The following GHR variants were observed in gnomAD, a reference collection of about 807,000 sequenced individuals.
GHR encodes growth hormone receptor, also known as GH receptor.
In GHR, 35 loss-of-function variants were observed where a neutral mutation model predicts 67.1. The ratio of observed to expected loss-of-function variants is 0.52; its 90% confidence interval spans 0.40 to 0.69. The LOEUF is 0.69. Ranked by LOEUF, GHR falls within the 30% of genes least tolerant of loss-of-function variation. The pLI is 0.00. For missense variants in GHR, 792 were observed against 764.6 expected (o/e 1.04, Z -0.42); for synonymous variants, 272 against 269.1 (o/e 1.01, Z -0.10).
intron 1 of GHR, among the ~76,000 whole-genome samples, chr5:42,524,301 T>G (rs1169609999): frequency 2.6e-5 from 4 of 152,132 alleles, no homozygotes; most frequent in Non-Finnish European, 5.9e-5. Flanking sequence ...CAGATGGAGA[T>G]GAGGAACTTG....
chr5:42,464,017 G>A (rs7720139), intron 1 of GHR, among the ~76,000 whole-genome samples: 4,938 of 93,254 alleles, frequency 0.053, 92 homozygotes, highest in African/African-American at 0.076. Context: ...AAAAAAAAAA[G>A]AAAAAGAAAT....
intron 4 of GHR, among the ~76,000 whole-genome samples, chr5:42,691,832 G>T (rs1307610541): frequency 6.6e-6 from 1 of 152,266 alleles, no homozygotes; most frequent in East Asian, 1.9e-4. Context: ...CTGCCATCCT[G>T]TGATGACGAT....
Position 42,472,068 on chromosome 5 carries a change from C to T in GHR, c.-12+48113C>T, listed in dbSNP as rs548516616. On this transcript the variant is annotated intron_variant, in intron 1 of 9. Coordinates refer to ENST00000230882, the MANE Select transcript of GHR (RefSeq NM_000163.5). ...AAATGCAAAAGAACATTCACTTAGGCTGGGATAAACAAGAGGTCTTTTGCA... is the reference window on the plus strand; with the variant it reads ...AAATGCAAAAGAACATTCACTTAGGTTGGGATAAACAAGAGGTCTTTTGCA... 2.2e-4 allele frequency among the ~76,000 whole-genome samples: 34 copies of T among 152,242 alleles called. No individual in the cohort carries two copies. In the South Asian group the frequency reaches 6.8e-3, roughly 31 times the overall value.
intron 1 of GHR, among the ~76,000 whole-genome samples, chr5:42,461,692 C>G (rs1744493683): frequency 6.6e-6 from 1 of 152,182 alleles, no homozygotes; most frequent in African/African-American, 2.4e-5. Context: ...AGTCTGTCAG[C>G]ACTTTGGCAG....
At chr5:42,681,455 A>T (rs1415281065) in intron 3 of GHR, among the ~76,000 whole-genome samples, 1 of 152,182 alleles carries the variant, frequency 6.6e-6, no homozygotes, top group African/African-American at 2.4e-5. Context: ...AAGTCAGGAA[A>T]CAACAGATGC....
intron 1 of GHR, among the ~76,000 whole-genome samples, chr5:42,557,439 T>G (rs1749370519): frequency 6.6e-6 from 1 of 152,154 alleles, no homozygotes; most frequent in African/African-American, 2.4e-5. Context: ...AAAACATAAA[T>G]AGTCTATTTG....
intron 1 of GHR, chr5:42,548,583 G>GTT: frequency 4.2e-5 from 30 of 721,822 alleles, no homozygotes; most frequent in Non-Finnish European, 4.4e-5. Context: ...GATAGTCAGG[G>GTT]TTTTTTTTTT....
chr5:42,459,827 C>T lies in GHR; in HGVS notation c.-12+35872C>T, dbSNP rs530690691. The stretch of plus-strand genomic sequence containing the variant: ...CTAGCCTTTGAAATTCAAACTACTA[C>T]TACTCCACTTTGAGAGAGACTGCAT... On this transcript the variant is annotated intron_variant, in intron 1 of 9. Transcript: ENST00000230882. 6.4e-4 allele frequency among the ~76,000 whole-genome samples: 98 copies of T among 152,302 alleles called. 1 individual carries two copies. Among genetic ancestry groups the T allele is most frequent in the African/African-American group, 1.6e-3 (65 of 41,562 alleles).
In GHR at chr5:42,463,865, C is replaced by T. The variant is rs367810336; in HGVS notation, c.-12+39910C>T. Among the ~76,000 whole-genome samples, 237 of 148,274 alleles carry T rather than the reference C, an allele frequency of 1.6e-3. 5 individuals are homozygous for T. In the East Asian group the frequency reaches 0.032, roughly 20 times the overall value. On this transcript the variant is annotated intron_variant, in intron 1 of 9. Transcript: ENST00000230882. ...AAAATTAGCCGGGCGTAGTGGTGGG[C>T]GCCTGTAGTCCCAGCTACTTGGGAG...
intron 2 of GHR, among the ~76,000 whole-genome samples, chr5:42,606,855 G>A (rs1055887977): frequency 1.4e-4 from 21 of 152,108 alleles, no homozygotes; most frequent in Admixed American, 7.9e-4. Context: ...GGGAATTGGG[G>A]TAGGAAGTTC....
At chr5:42,705,494 T>C (rs903939472) in intron 6 of GHR, among the ~76,000 whole-genome samples, 7 of 152,102 alleles carry the variant, frequency 4.6e-5, no homozygotes, top group Non-Finnish European at 1.0e-4. Flanking sequence ...TACAGATTAT[T>C]TCATCACCAG....
intron 1 of GHR, among the ~76,000 whole-genome samples, chr5:42,560,246 T>C (rs367899793): frequency 3.1e-4 from 47 of 152,138 alleles, no homozygotes; most frequent in African/African-American, 1.1e-3. Flanking sequence ...CAGGCTGGAG[T>C]GCAAGGGCAT....
intron 1 of GHR, chr5:42,468,780 C>A: frequency 9.1e-7 from 1 of 1,096,840 alleles, no homozygotes; most frequent in Non-Finnish European, 1.4e-6. Flanking sequence ...CCTTCAGCAC[C>A]TCGAAGGGGT....
intron 3 of GHR, among the ~76,000 whole-genome samples, chr5:42,669,709 T>C (rs961398035): frequency 2.0e-5 from 3 of 152,162 alleles, no homozygotes; most frequent in African/African-American, 7.2e-5. Flanking sequence ...TGGGGAACTT[T>C]TAAAAATTAA....
At chr5:42,601,817 T>C (rs537718447) in intron 2 of GHR, among the ~76,000 whole-genome samples, 2 of 152,236 alleles carry the variant, frequency 1.3e-5, no homozygotes, top group African/African-American at 2.4e-5. Context: ...TTCATTCACC[T>C]TTTCAATTCA....
chr5:42,480,329 G>C (rs1476281991), intron 1 of GHR, among the ~76,000 whole-genome samples: 3 of 152,172 alleles, frequency 2.0e-5, no homozygotes, highest in Non-Finnish European at 1.5e-5. Context: ...TTTTGGAATA[G>C]GTGTGGTATG....
intron 1 of GHR, chr5:42,465,392 G>A: frequency 2.4e-6 from 3 of 1,237,956 alleles, no homozygotes; most frequent in East Asian, 2.3e-5. Flanking sequence ...AGGGATTGAA[G>A]AGGTTTCTAC....
intron 1 of GHR, among the ~76,000 whole-genome samples, chr5:42,559,038 G>T (rs781764960): frequency 6.6e-6 from 1 of 152,042 alleles, no homozygotes; most frequent in East Asian, 1.9e-4. Context: ...TACTTGATCT[G>T]CATTTACATT....
intron 1 of GHR, among the ~76,000 whole-genome samples, chr5:42,474,279 G>GAA (rs762174547): frequency 0.044 from 5,457 of 122,960 alleles, 96 homozygotes; most frequent in Middle Eastern, 0.055. Flanking sequence ...AAGAAAGAAA[G>GAA]AAAGAAAAAG....
Sources: gnomAD v4.1 joint callset for allele counts (sites outside exome capture counted in the v4.1 genomes callset) on GRCh38, gnomAD v4.1.1 for gene constraint, MANE v1.5 for transcripts, NCBI Gene and HGNC (gene_info 2026-07-23, HGNC 2026-07-21) for gene names.